The following KDM8 variants were observed in gnomAD, a reference collection of about 807,000 sequenced individuals.
KDM8 encodes the protein bifunctional peptidase and arginyl-hydroxylase JMJD5.
A neutral mutation model predicts 46.9 loss-of-function variants in KDM8; 35 were observed. That is an observed-to-expected ratio of 0.75 (90% confidence interval 0.57 to 0.99). KDM8 has a LOEUF of 0.99. KDM8 is among the 50% of genes least tolerant of loss of function. The pLI is 0.00. For missense variants in KDM8, 475 were observed against 537.0 expected (o/e 0.88, Z 1.14); for synonymous variants, 232 against 227.7 (o/e 1.02, Z -0.17).
intron 3 of KDM8, chr16:27,213,955 C>T: frequency 1.8e-6 from 1 of 551,372 alleles, no homozygotes; most frequent in South Asian, 2.8e-5. Context: ...TTCTTACCTT[C>T]TACCTTGCTC....
In KDM8 at chr16:27,210,294, C is replaced by T. The variant is rs766605057; in HGVS notation, c.171C>T (p.Tyr57=). Residue 57 remains tyrosine (Y), a synonymous_variant, in exon 2 of 8, where the codon TAC becomes TAT. Transcript: ENST00000286096. ...TLLQRATELF[Y]EGRRDECLQS... ...TGCAGCGAGCCACTGAGCTCTTCTA[C>T]GAGGGCAGGAGGGACGAGTGTCTGC... The T allele has an allele frequency of 5.0e-5, 81 of 1,613,148 alleles. 1 individual carries two copies. The East Asian group carries it at 7.8e-4, about 16-fold the overall frequency.
chr16:27,211,428 G>T, intron 2 of KDM8: 1 of 322,250 alleles, frequency 3.1e-6, no homozygotes, highest in Non-Finnish European at 6.1e-6. Context: ...GCACCCCCAG[G>T]AACAGAGCAT....
At chr16:27,204,795 C>T (rs1374964799) in intron 1 of KDM8, among the ~76,000 whole-genome samples, 1 of 152,198 alleles carries the variant, frequency 6.6e-6, no homozygotes, top group Non-Finnish European at 1.5e-5. Context: ...GAGGCCGAGA[C>T]AGGCCGATCA....
intron 1 of KDM8, 68 bp downstream of exon 1, chr16:27,203,704 G>A (rs530793740): frequency 7.4e-4 from 151 of 205,328 alleles, no homozygotes; most frequent in Non-Finnish European, 1.3e-3. Flanking sequence ...CGGGTTCAGA[G>A]GCATAGACCG....
intron 3 of KDM8, chr16:27,214,656 T>G (rs1317712900): frequency 2.0e-6 from 1 of 502,912 alleles, no homozygotes; most frequent in Admixed American, 3.1e-5. Context: ...TTACCGGCCC[T>G]GTCTGCAAAG....
chr16:27,209,204 G>T (rs368440352), intron 1 of KDM8, among the ~76,000 whole-genome samples: 85 of 152,198 alleles, frequency 5.6e-4, no homozygotes, highest in Non-Finnish European at 1.1e-3. Context: ...ATGATTGACC[G>T]TAGGCCTTGG....
At chr16:27,203,887 C>A (rs1333837993) in intron 1 of KDM8, 1 of 470,418 alleles carries the variant, frequency 2.1e-6, no homozygotes, top group African/African-American at 2.0e-5. Flanking sequence ...CGTCTCTTGG[C>A]AGTGGTTTTG....
chr16:27,204,191 TG>T, intron 1 of KDM8: 1 of 1,479,134 alleles, frequency 6.8e-7, no homozygotes, highest in Non-Finnish European at 9.0e-7. Flanking sequence ...GGGGACCCTC[TG>T]GGGCCTGGGT....
At chr16:27,208,589 T>C (rs984818322) in intron 1 of KDM8, among the ~76,000 whole-genome samples, 1 of 152,174 alleles carries the variant, frequency 6.6e-6, no homozygotes, top group African/African-American at 2.4e-5. Flanking sequence ...CACTGGCCTT[T>C]ATGAGAAGCC....
chr16:27,217,159 T>C (rs1397792527), intron 5 of KDM8, among the ~76,000 whole-genome samples: 1 of 152,138 alleles, frequency 6.6e-6, no homozygotes, highest in African/African-American at 2.4e-5. Context: ...TATCATGCCG[T>C]GTGGCAAGGA....
Position 27,210,340 on chromosome 16 carries a change from G to A in KDM8, c.217G>A (p.Asp73Asn). The A allele has an allele frequency of 6.2e-7, 1 of 1,613,326 alleles. No individual in the cohort carries two copies. The highest frequency in any genetic ancestry group is 8.5e-7 in the Non-Finnish European group (1 of 1,180,044). Reference protein sequence around the residue: ...ECLQSSEVILDYSWEKLNTGT... With the variant: ...ECLQSSEVILNYSWEKLNTGT... ...TCTGCAGAGCAGCGAGGTGATCCTG[G>A]ACTACTCCTGGGAGAAGCTCAACAC... is the stretch of plus-strand genomic sequence containing the variant. Residue 73 changes from aspartate (D) to asparagine (N), a missense_variant, in exon 2 of 8, where the codon GAC (aspartate) becomes AAC (asparagine). Coordinates refer to ENST00000286096, the MANE Select transcript of KDM8 (RefSeq NM_024773.3).
chr16:27,205,523 G>GC (rs955067984), intron 1 of KDM8, among the ~76,000 whole-genome samples: 3 of 151,976 alleles, frequency 2.0e-5, no homozygotes, highest in African/African-American at 7.2e-5. Flanking sequence ...ATACCTGACC[G>GC]CCCCCCTCCC....
Position 27,220,454 on chromosome 16 carries a change from A to G in KDM8, c.1055A>G (p.His352Arg). ...CAGGAGTCAGGGGCTCTGTACCCTC[A>G]TGACACGCACCTTCTCCATAACACG... ...SPQESGALYP[H>R]DTHLLHNTSQ... Residue 352 changes from histidine (H) to arginine (R), a missense_variant, in exon 7 of 8, where the codon CAT becomes CGT. Transcript: ENST00000286096. 3.1e-6 allele frequency: 5 copies of G among 1,613,820 alleles called. No individual in the cohort carries two copies. The highest frequency in any genetic ancestry group is 4.2e-6 in the Non-Finnish European group (5 of 1,179,708).
intron 5 of KDM8, 155 bp downstream of exon 5, chr16:27,216,144 T>G: frequency 1.4e-6 from 1 of 734,682 alleles, no homozygotes; most frequent in Non-Finnish European, 2.3e-6. Context: ...GAGGAGCCAT[T>G]TTCCTAAAGT....
intron 6 of KDM8, 198 bp from the exon 7 acceptor site, chr16:27,220,195 T>C: frequency 1.7e-6 from 1 of 593,766 alleles, no homozygotes; most frequent in Non-Finnish European, 3.0e-6. Context: ...CACTCCAGCC[T>C]GGATGACCGA....
At position 27,209,909 on chromosome 16, in the gene KDM8, C is replaced by T. The variant is rs113903103; in HGVS notation, c.-31-184C>T. Among the ~76,000 whole-genome samples, 936 of 152,320 alleles carry T rather than the reference C, an allele frequency of 6.1e-3. 9 individuals carry two copies. The highest frequency in any genetic ancestry group is 0.021 in the African/African-American group (869 of 41,562). On this transcript the variant is annotated intron_variant, in intron 1 of 7. Transcript: ENST00000286096. ...AGTGCTTGCTGAGTACCAGGTGTTG[C>T]GCCAGGCCCTGAAGATACAGTGGTG...
intron 1 of KDM8, chr16:27,206,316 A>T (rs2083427866): frequency 1.8e-6 from 1 of 570,996 alleles, no homozygotes; most frequent in Non-Finnish European, 2.2e-6. Context: ...TCTGTCACCC[A>T]AGCTGGAGTG....
At chr16:27,204,430 A>G (rs1423620786) in intron 1 of KDM8, 7 of 1,136,264 alleles carry the variant, frequency 6.2e-6, no homozygotes, top group Non-Finnish European at 7.9e-6. Flanking sequence ...GCTTTCTGGA[A>G]AATGTTCCAA....
At chr16:27,207,909 A>C (rs2083442762) in intron 1 of KDM8, among the ~76,000 whole-genome samples, 1 of 152,116 alleles carries the variant, frequency 6.6e-6, no homozygotes, top group African/African-American at 2.4e-5. Flanking sequence ...GCCTTTGGGG[A>C]GGCCATTTCA....
Sources: allele counts gnomAD v4.1 joint callset (sites outside exome capture counted in the v4.1 genomes callset), GRCh38; gene constraint gnomAD v4.1.1; transcripts MANE v1.5; gene names NCBI Gene and HGNC (gene_info 2026-07-23, HGNC 2026-07-21).